The following RBFOX1 variants were observed in gnomAD, a reference collection of about 807,000 sequenced individuals.
RBFOX1 encodes the protein RNA binding protein fox-1 homolog 1.
Under a neutral mutation model 57.7 loss-of-function variants are expected in RBFOX1, and 8 were observed. The ratio of observed to expected loss-of-function variants is 0.14; its 90% confidence interval spans 0.08 to 0.25. RBFOX1 has a LOEUF of 0.25. Among genes scored for constraint, RBFOX1 ranks in the 10% least tolerant of loss-of-function variants. The pLI, the probability that RBFOX1 is intolerant of heterozygous loss-of-function variation, is 1.00. For synonymous variants in RBFOX1, 326 were observed against 222.4 expected (o/e 1.47, Z -4.15); for missense variants, 611 against 548.5 (o/e 1.11, Z -1.14).
intron 3 of RBFOX1, among the ~76,000 whole-genome samples, chr16:6,917,871 A>G (rs1423179240): frequency 6.6e-6 from 1 of 152,170 alleles, no homozygotes; most frequent in Non-Finnish European, 1.5e-5. Context: ...GAAAAATACC[A>G]AGAAACTGAC....
chr16:7,021,405 TTATG>T (rs1568404021), intron 3 of RBFOX1, among the ~76,000 whole-genome samples: 1 of 146,628 alleles, frequency 6.8e-6, no homozygotes, highest in Non-Finnish European at 1.5e-5. Flanking sequence ...TAAATTTGTT[TTATG>T]TATGTTTTTT....
intron 1 of RBFOX1, among the ~76,000 whole-genome samples, chr16:5,321,351 G>A (rs910575789): frequency 1.3e-4 from 19 of 149,546 alleles, no homozygotes; most frequent in Admixed American, 5.3e-4. Flanking sequence ...ATGGAGTCTC[G>A]CTTTGTCACC....
At chr16:6,736,885 C>T (rs115092848) in intron 3 of RBFOX1, among the ~76,000 whole-genome samples, 1 of 152,112 alleles carries the variant, frequency 6.6e-6, no homozygotes, top group Non-Finnish European at 1.5e-5. Context: ...TGATTTGGAG[C>T]CTAGGTATAG....
chr16:5,935,924 A>G (rs1036804696), intron 4 of RBFOX1, among the ~76,000 whole-genome samples: 1 of 152,106 alleles, frequency 6.6e-6, no homozygotes, highest in African/African-American at 2.4e-5. Flanking sequence ...GCAAAACTCT[A>G]CCTCAACCAG....
At chr16:7,518,859 C>T (rs1353088771) in intron 5 of RBFOX1, among the ~76,000 whole-genome samples, 1 of 152,012 alleles carries the variant, frequency 6.6e-6, no homozygotes, top group Non-Finnish European at 1.5e-5. Context: ...CTCATCTCTA[C>T]AAGAAATTTA....
In RBFOX1 at chr16:6,688,801, C is replaced by T. The variant is rs1026840462; in HGVS notation, c.-16+34151C>T. ...CATCCTTCCCTAGCCCACCACCTCC[C>T]GACAGGCCCTGGTGTGTGATGTTCT... On this transcript the variant is annotated intron_variant, in intron 3 of 15. Transcript: ENST00000550418. Among the ~76,000 whole-genome samples the T allele has an allele frequency of 3.9e-5, 6 of 152,102 alleles. No individual in the cohort carries two copies. In the East Asian group the frequency reaches 9.7e-4, roughly 24 times the overall value.
rs183297821 is a variant in RBFOX1, at chr16:6,814,077, A to G, written c.-16+159427A>G. ...TCCTGGAGTGAAAAGCAGATGTATA[A>G]TTTCTCTCATTTGTCCCTACTTTAT... On this transcript the variant is annotated intron_variant, in intron 3 of 15. Coordinates refer to ENST00000550418, the MANE Select transcript of RBFOX1 (RefSeq NM_018723.4). Among the ~76,000 whole-genome samples, 22 of 152,270 alleles carry G rather than the reference A, an allele frequency of 1.4e-4. No homozygotes were observed. In the East Asian group the frequency reaches 4.1e-3, roughly 28 times the overall value.
In RBFOX1 at chr16:7,087,471, A is replaced by C. The variant is rs1179433530; in HGVS notation, c.27+35373A>C. On this transcript the variant is annotated intron_variant, in intron 4 of 15. Transcript: ENST00000550418. ...CCGCCTAAAGTGTCTGGATTTGCTC[A>C]TTAAACAGCCAAACCAAGAATTTGT... Among the ~76,000 whole-genome samples the C allele has an allele frequency of 1.3e-5, 2 of 151,890 alleles. 1 individual carries two copies. The highest frequency in any genetic ancestry group is 4.2e-4 in the South Asian group (2 of 4,794).
At chr16:7,668,367 A>T (rs2070143288) in intron 13 of RBFOX1, among the ~76,000 whole-genome samples, 1 of 152,184 alleles carries the variant, frequency 6.6e-6, no homozygotes, top group African/African-American at 2.4e-5. Flanking sequence ...ACAGAGAGGG[A>T]CAGATGATCA....
intron 3 of RBFOX1, among the ~76,000 whole-genome samples, chr16:5,737,086 A>G (rs1025235162): frequency 2.6e-5 from 4 of 151,920 alleles, no homozygotes; most frequent in Non-Finnish European, 5.9e-5. Flanking sequence ...GGTGACTTGC[A>G]TTGCCCATAA....
intron 4 of RBFOX1, among the ~76,000 whole-genome samples, chr16:5,885,956 G>A (rs2057889561): frequency 6.6e-6 from 1 of 152,096 alleles, no homozygotes; most frequent in South Asian, 2.1e-4. Flanking sequence ...GGGTTATGTG[G>A]GTGGATTTCT....
chr16:7,687,539 G>A (rs1458344287), intron 14 of RBFOX1, among the ~76,000 whole-genome samples: 1 of 151,870 alleles, frequency 6.6e-6, no homozygotes, highest in Non-Finnish European at 1.5e-5. Context: ...ATTTTAATAG[G>A]TACATCCTAT....
intron 3 of RBFOX1, among the ~76,000 whole-genome samples, chr16:5,842,428 G>T (rs1597457560): frequency 6.6e-6 from 1 of 152,262 alleles, no homozygotes; most frequent in East Asian, 1.9e-4. Context: ...TTGGTTATCT[G>T]CCTTAGTTCC....
At chr16:5,657,356 A>G (rs2049463122) in intron 3 of RBFOX1, among the ~76,000 whole-genome samples, 1 of 152,204 alleles carries the variant, frequency 6.6e-6, no homozygotes, top group Non-Finnish European at 1.5e-5. Flanking sequence ...CTTAATCCAC[A>G]TTATAAGACA....
At chr16:5,615,102 A>G (rs1049105512) in intron 3 of RBFOX1, among the ~76,000 whole-genome samples, 3 of 152,184 alleles carry the variant, frequency 2.0e-5, no homozygotes, top group Non-Finnish European at 4.4e-5. Flanking sequence ...TGGTGCCGTC[A>G]TAGCTCACTG....
intron 1 of RBFOX1, among the ~76,000 whole-genome samples, chr16:5,439,420 G>A (rs78836095): frequency 0.011 from 1,699 of 152,236 alleles, 38 homozygotes; most frequent in African/African-American, 0.039. Context: ...GCATCATGGG[G>A]AATGAAAAGT....
intron 3 of RBFOX1, among the ~76,000 whole-genome samples, chr16:6,688,451 T>A (rs1048194176): frequency 2.0e-5 from 3 of 152,168 alleles, no homozygotes; most frequent in African/African-American, 7.2e-5. Context: ...TGCATTCTTT[T>A]ATTTAGACCC....
intron 1 of RBFOX1, among the ~76,000 whole-genome samples, chr16:6,107,169 G>A (rs117203441): frequency 1.3e-5 from 2 of 151,926 alleles, no homozygotes; most frequent in Admixed American, 1.3e-4. Flanking sequence ...TTTTAGTTAT[G>A]GGCCTTGCCA....
At position 6,385,085 on chromosome 16, in the gene RBFOX1, A is replaced by C. The variant is rs1418583078; in HGVS notation, c.-64+68028A>C. ...GTCTTCCAAAGCTTTTCAAACTCTCAGACTCTCATTCACTCTAAAATATTT... is the reference window on the plus strand; with the variant it reads ...GTCTTCCAAAGCTTTTCAAACTCTCCGACTCTCATTCACTCTAAAATATTT... On this transcript the variant is annotated intron_variant, in intron 2 of 15. Transcript: ENST00000550418. Among the ~76,000 whole-genome samples, 10 of 152,112 alleles carry C rather than the reference A, an allele frequency of 6.6e-5. 1 individual carries two copies.
Sources: gnomAD v4.1 joint callset for allele counts (sites outside exome capture counted in the v4.1 genomes callset) on GRCh38, gnomAD v4.1.1 for gene constraint, MANE v1.5 for transcripts, NCBI Gene and HGNC (gene_info 2026-07-23, HGNC 2026-07-21) for gene names.